The following PLS3 variants were observed in gnomAD, a reference collection of about 807,000 sequenced individuals.
PLS3 encodes the protein plastin 3.
PLS3 carries 11 observed loss-of-function variants against 46.5 expected under a neutral mutation model. The observed-to-expected ratio is 0.24, with a 90% CI of 0.15 to 0.39. The LOEUF (loss-of-function observed/expected upper bound fraction) is 0.39. Among genes scored for constraint, PLS3 ranks in the 10% least tolerant of loss-of-function variants. PLS3 has a pLI of 1.00. For synonymous variants in PLS3, 167 were observed against 162.2 expected (o/e 1.03, Z -0.22); for missense variants, 308 against 461.8 (o/e 0.67, Z 3.05).
At chrX:115,637,083 T>C in intron 8 of PLS3, 105 bp downstream of exon 8, 1 of 790,443 alleles carries the variant, frequency 1.3e-6, no homozygotes, top group Non-Finnish European at 1.8e-6. Context: ...CCAAGCCTTG[T>C]TGTCTCTTGG....
Position 115,645,021 on chromosome X carries a change from G to T in PLS3, c.1184G>T (p.Gly395Val). ...TAAATTTTGTGAATATTCTTAACAG[G>T]AGAAACTCGTGAAGAAAGAACCTTC... ...NQDIDWTLLE[G>V]ETREERTFRN... Residue 395 changes from glycine (G) to valine (V), a missense_variant and splice_region_variant, in exon 11 of 16, where the codon GGA (glycine) becomes GTA (valine). Around this residue, in one of 2 missense-constraint regions of PLS3, gnomAD observed 271 missense variants for 435.7 expected, o/e 0.62. Transcript: ENST00000355899. 1 of 1,168,624 alleles carries T rather than the reference G, an allele frequency of 8.6e-7. No individual in the cohort carries two copies.
At chrX:115,641,944 T>C (rs782019482) in intron 9 of PLS3, among the ~76,000 whole-genome samples, 1 of 109,881 alleles carries the variant, frequency 9.1e-6, no homozygotes, top group African/African-American at 3.3e-5. Flanking sequence ...CACCCCAACC[T>C]TCCTTCCCAC....
chrX:115,575,796 C>G (rs1556631117), intron 1 of PLS3, among the ~76,000 whole-genome samples: 1 of 111,720 alleles, frequency 9.0e-6, no homozygotes, highest in Non-Finnish European at 1.9e-5. Flanking sequence ...ATTGGCTTAT[C>G]ATCGACTTGT....
chrX:115,594,106 T>C (rs2074365236), intron 1 of PLS3, among the ~76,000 whole-genome samples: 1 of 111,574 alleles, frequency 9.0e-6, no homozygotes, highest in African/African-American at 3.3e-5. Context: ...CACGATTAGA[T>C]TGATATTATA....
Position 115,647,880 on chromosome X carries a change from C to T in PLS3, c.1636-13C>T. ...GTATCAAAATTCTCAGATTTGTTCT[C>T]CTTTCACACTAGGACAAGACGATCA... On this transcript the variant is annotated splice_polypyrimidine_tract_variant and intron_variant, in intron 14 of 15. Coordinates refer to ENST00000355899, the MANE Select transcript of PLS3 (RefSeq NM_005032.7). 1 of 1,200,397 alleles carries T rather than the reference C, an allele frequency of 8.3e-7. No individual in the cohort carries two copies. Among genetic ancestry groups the T allele is most frequent in the Non-Finnish European group, 1.1e-6 (1 of 887,779 alleles).
At chrX:115,645,207 A>G in intron 11 of PLS3, 108 bp downstream of exon 11, 1 of 540,111 alleles carries the variant, frequency 1.9e-6, no homozygotes, top group Non-Finnish European at 3.1e-6. Context: ...TATTATTTAT[A>G]TTGGAAAATG....
At chrX:115,576,636 C>T (rs944159967) in intron 1 of PLS3, among the ~76,000 whole-genome samples, 5 of 111,894 alleles carry the variant, frequency 4.5e-5, no homozygotes, top group Non-Finnish European at 9.4e-5. Flanking sequence ...GCTAATGACT[C>T]ATAGAACTTT....
chrX:115,565,171 C>G (rs2074164629), intron 1 of PLS3, among the ~76,000 whole-genome samples: 2 of 111,518 alleles, frequency 1.8e-5, no homozygotes, highest in Non-Finnish European at 3.8e-5. Context: ...AAATGTCAGT[C>G]TTAGAAGATC....
intron 3 of PLS3, among the ~76,000 whole-genome samples, chrX:115,628,570 C>T (rs1376743953): frequency 6.3e-5 from 7 of 111,599 alleles, no homozygotes; most frequent in Non-Finnish European, 1.3e-4. Flanking sequence ...TGTGTTATAA[C>T]TTGCTTTTGT....
intron 14 of PLS3, 70 bp downstream of exon 14, chrX:115,647,743 T>G: frequency 2.7e-6 from 3 of 1,119,291 alleles, no homozygotes; most frequent in Non-Finnish European, 3.7e-6. Context: ...GAAGGCAACT[T>G]TTGGCTTCTT....
intron 3 of PLS3, among the ~76,000 whole-genome samples, chrX:115,627,006 G>A (rs1022418560): frequency 4.6e-5 from 5 of 108,389 alleles, no homozygotes; most frequent in Non-Finnish European, 9.6e-5. Context: ...GCACCACCAC[G>A]CCCACCTAAT....
Position 115,573,413 on chromosome X carries a change from C to G in PLS3, c.-9+12153C>G, listed in dbSNP as rs182103175. Among the ~76,000 whole-genome samples, 18 of 112,002 alleles carry G rather than the reference C, an allele frequency of 1.6e-4. No homozygotes were observed. The East Asian group carries it at 4.5e-3, about 28-fold the overall frequency. ...ATAAAATAGCCCTTTGGCAAGAAAA[C>G]GAGCCACACCCCATTTAGTTTTTAC... On this transcript the variant is annotated intron_variant, in intron 1 of 15. Coordinates refer to ENST00000355899, the MANE Select transcript of PLS3 (RefSeq NM_005032.7).
At chrX:115,622,150 G>T in intron 2 of PLS3, 96 bp from the exon 3 acceptor site, 1 of 640,777 alleles carries the variant, frequency 1.6e-6, no homozygotes, top group Non-Finnish European at 2.4e-6. Flanking sequence ...TTTTATGTAA[G>T]TGAGCTTATG....
chrX:115,606,367 G>A (rs1483357846), intron 1 of PLS3, among the ~76,000 whole-genome samples: 2 of 107,868 alleles, frequency 1.9e-5, no homozygotes, highest in African/African-American at 6.8e-5. Flanking sequence ...CGAACTCCTG[G>A]GCTCAAGTGA....
chrX:115,647,277 TA>T lies in PLS3; in HGVS notation c.1512-267del, dbSNP rs11339296. Among the ~76,000 whole-genome samples, 13,366 of 108,760 alleles carry T rather than the reference TA, an allele frequency of 0.12. 1,341 individuals are homozygous for T. Among genetic ancestry groups the T allele is most frequent in the African/African-American group, 0.34 (9,964 of 29,628 alleles). The allele number at this position is 108,760 out of a possible 115,157, so 94.4% of individuals were successfully genotyped here. A position where few individuals can be genotyped will look rare whatever the true frequency, so the allele number is the denominator to read the frequency against. On this transcript the variant is annotated intron_variant, in intron 13 of 15. Coordinates refer to ENST00000355899, the MANE Select transcript of PLS3 (RefSeq NM_005032.7). ...TGAAACCCTGTCCCTACTAAAAATA[TA>T]AAAAATTAGCCGGGCGTGGTGGTGG...
chrX:115,591,606 G>C (rs782594915), intron 1 of PLS3, among the ~76,000 whole-genome samples: 1 of 111,795 alleles, frequency 8.9e-6, no homozygotes, highest in Admixed American at 9.5e-5. Flanking sequence ...AAAAGGTAAG[G>C]CTGGGGAAAA....
chrX:115,642,528 T>C (rs1422335701), intron 9 of PLS3, among the ~76,000 whole-genome samples: 1 of 111,351 alleles, frequency 9.0e-6, no homozygotes, highest in African/African-American at 3.3e-5. Flanking sequence ...TCTCCAGCAG[T>C]GCCCTCCTTT....
At chrX:115,571,514 GAAAAAAA>G (rs142311088) in intron 1 of PLS3, among the ~76,000 whole-genome samples, 1 of 83,453 alleles carries the variant, frequency 1.2e-5, no homozygotes, top group Non-Finnish European at 2.3e-5. Context: ...CAAGACTCTG[GAAAAAAA>G]AAAAAAAGAA....
intron 1 of PLS3, among the ~76,000 whole-genome samples, chrX:115,571,142 C>T (rs1023833289): frequency 5.4e-5 from 6 of 110,895 alleles, no homozygotes; most frequent in Non-Finnish European, 1.1e-4. Context: ...GACCACCCAC[C>T]TCGGCCTCCC....
Sources: gnomAD v4.1 joint callset for allele counts (sites outside exome capture counted in the v4.1 genomes callset) on GRCh38, gnomAD v4.1.1 for gene constraint, gnomAD v4.1.1 regional missense constraint, MANE v1.5 for transcripts, NCBI Gene and HGNC (gene_info 2026-07-23, HGNC 2026-07-21) for gene names.